UQCC5: variants seen among roughly 807,000 people sequenced by gnomAD.
UQCC5 encodes ubiquinol-cytochrome c reductase complex assembly factor 5, also known as UPF0640 protein C3orf78.
chr3:52,540,273 T>C, the UQCC5 span: 1 of 598,042 alleles, frequency 1.7e-6, no homozygotes, highest in East Asian at 3.2e-5. Context: ...CTAACTCAAG[T>C]TTTGTTTTAA....
At chr3:52,536,675 A>G in the UQCC5 span, 1 of 1,524,328 alleles carries the variant, frequency 6.6e-7, no homozygotes, top group African/African-American at 1.4e-5. Context: ...ACACGGCGAG[A>G]ACGGGCGGGG....
At chr3:52,540,539 G>A in the UQCC5 span, 7 of 1,293,450 alleles carry the variant, frequency 5.4e-6, no homozygotes, top group African/African-American at 9.2e-5. Flanking sequence ...ATTGGTTTCA[G>A]TGCCTTTTAA....
chr3:52,537,632 G>A, the UQCC5 span, among the ~76,000 whole-genome samples: 70 of 152,280 alleles, frequency 4.6e-4, no homozygotes, highest in Non-Finnish European at 1.6e-4. Flanking sequence ...ATTCTTGAGG[G>A]GCTATAATGA....
chr3:52,538,538 C>A, the UQCC5 span, among the ~76,000 whole-genome samples: 1 of 152,064 alleles, frequency 6.6e-6, no homozygotes, highest in Admixed American at 6.5e-5. Flanking sequence ...CTTGGCTCAC[C>A]GCAACCTCTG....
chr3:52,540,096 G>A, the UQCC5 span, among the ~76,000 whole-genome samples: 1 of 152,228 alleles, frequency 6.6e-6, no homozygotes, highest in African/African-American at 2.4e-5. Context: ...GAGGAGCCAG[G>A]TTTTAGTTAA....
At chr3:52,538,939 GTGGAGAGAGGC>G in the UQCC5 span, among the ~76,000 whole-genome samples, 1 of 152,182 alleles carries the variant, frequency 6.6e-6, no homozygotes, top group Non-Finnish European at 1.5e-5. Context: ...GAAGGAGAGG[GTGGAGAGAGGC>G]TGGAGATACT....
chr3:52,540,436 G>T, the UQCC5 span: 2 of 1,528,192 alleles, frequency 1.3e-6, no homozygotes, highest in African/African-American at 1.4e-5. Flanking sequence ...GATGTCTACC[G>T]TAGAAAAGCC....
chr3:52,536,877 T>A, the UQCC5 span: 1 of 1,551,638 alleles, frequency 6.4e-7, no homozygotes, highest in South Asian at 1.2e-5. Context: ...TGGATCATGA[T>A]TAAAGTGCGC....
chr3:52,537,726 G>T, the UQCC5 span, among the ~76,000 whole-genome samples: 135 of 152,288 alleles, frequency 8.9e-4, no homozygotes, highest in African/African-American at 3.1e-3. Flanking sequence ...AGTGATCAGT[G>T]CTGTGAGAAG....
At chr3:52,537,161 C>T in the UQCC5 span, among the ~76,000 whole-genome samples, 90 of 152,336 alleles carry the variant, frequency 5.9e-4, no homozygotes, top group Non-Finnish European at 9.7e-4. Flanking sequence ...CATGCCTGCC[C>T]TTCACCCCTG....
the UQCC5 span, chr3:52,540,456 C>T: frequency 4.6e-6 from 7 of 1,532,000 alleles, no homozygotes; most frequent in South Asian, 1.3e-5. Flanking sequence ...CTCAGAAAGA[C>T]AGTATCAGAG....
the UQCC5 span, chr3:52,540,622 T>C: frequency 1.5e-6 from 1 of 646,298 alleles, no homozygotes; most frequent in Non-Finnish European, 2.5e-6. Flanking sequence ...AATAACTGTT[T>C]TTGCAAAGAA....
chr3:52,540,554 T>C, the UQCC5 span: 1 of 1,125,750 alleles, frequency 8.9e-7, no homozygotes, highest in Non-Finnish European at 1.3e-6. Context: ...TTTTAAAATA[T>C]ACTTTTCAGA....
At chr3:52,540,595 C>CAGCT in the UQCC5 span, 1 of 774,544 alleles carries the variant, frequency 1.3e-6, no homozygotes, top group Non-Finnish European at 2.0e-6. Flanking sequence ...TGTCCTTTAT[C>CAGCT]AGCTGCACAA....
the UQCC5 span, chr3:52,540,311 A>G: frequency 1.3e-6 from 1 of 753,944 alleles, no homozygotes; most frequent in Non-Finnish European, 2.1e-6. Flanking sequence ...GTTAAATATT[A>G]ATGCCAAGAT....
chr3:52,538,431 A>C, the UQCC5 span, among the ~76,000 whole-genome samples: 1 of 152,028 alleles, frequency 6.6e-6, no homozygotes, highest in Non-Finnish European at 1.5e-5. Flanking sequence ...GAAGCAAATT[A>C]TGATGGAAGT....
At chr3:52,541,521 TTAAC>T in the UQCC5 span, 3 of 152,198 alleles carry the variant, frequency 2.0e-5, no homozygotes, top group African/African-American at 4.8e-5. Flanking sequence ...TAAAGAACCA[TTAAC>T]TAACTACTCC....
the UQCC5 span, chr3:52,536,758 G>A: frequency 6.4e-7 from 1 of 1,551,896 alleles, no homozygotes; most frequent in African/African-American, 1.4e-5. Flanking sequence ...GGTCGAGCAT[G>A]TTCACCAGGG....
At chr3:52,538,134 T>C in the UQCC5 span, among the ~76,000 whole-genome samples, 1 of 152,190 alleles carries the variant, frequency 6.6e-6, no homozygotes, top group Non-Finnish European at 1.5e-5. Flanking sequence ...GTTGAGACAG[T>C]GGCCTGGTCT....
Sources: gnomAD v4.1 joint callset for allele counts (sites outside exome capture counted in the v4.1 genomes callset) on GRCh38, gnomAD v4.1.1 for gene constraint, MANE v1.5 for transcripts, NCBI Gene and HGNC (gene_info 2026-07-23, HGNC 2026-07-21) for gene names.